BLK: variants seen among roughly 807,000 people sequenced by gnomAD.
BLK encodes the protein tyrosine-protein kinase Blk.
Under a neutral mutation model 61.8 loss-of-function variants are expected in BLK, and 64 were observed. The observed-to-expected ratio is 1.03, with a 90% CI of 0.85 to 1.27. BLK has a LOEUF of 1.27. Among genes scored for constraint, BLK ranks in the 50% most tolerant of loss-of-function variants. The probability of loss-of-function intolerance (pLI) is 0.00; values close to 1 mark genes in which losing one functional copy is unlikely to be tolerated. For missense variants in BLK, 853 were observed against 660.5 expected, an observed-to-expected ratio of 1.29 and a Z score of -3.19; for synonymous variants, 351 against 272.0, an observed-to-expected ratio of 1.29 and a Z score of -2.86.
intron 5 of BLK, chr8:11,549,864 G>C: frequency 2.3e-6 from 1 of 427,148 alleles, no homozygotes. Flanking sequence ...GCTTTGGAGA[G>C]AGTGATCAGG....
chr8:11,504,396 GAAAAGAAAAGAAAAGA>G (rs754475511), intron 1 of BLK, among the ~76,000 whole-genome samples: 7 of 120,784 alleles, frequency 5.8e-5, no homozygotes, highest in Non-Finnish European at 7.6e-5. Flanking sequence ...GAAAAGAAAA[GAAAAGAAAAGAAAAGA>G]AAAAAAAAAG....
At position 11,555,327 on chromosome 8, in the gene BLK, T is replaced by C. The variant is rs768081709; in HGVS notation, c.620-5T>C. The C allele has an allele frequency of 6.2e-7, 1 of 1,614,038 alleles. No individual in the cohort carries two copies. The highest frequency in any genetic ancestry group is 1.1e-5 in the South Asian group (1 of 91,076). ...CCCAGCCCTGTCTTTTCTTCCCTAATGCAGAGAAGGGGGATGGTCTATGCC... is the reference window on the plus strand; with the variant it reads ...CCCAGCCCTGTCTTTTCTTCCCTAACGCAGAGAAGGGGGATGGTCTATGCC... On this transcript the variant is annotated splice_region_variant and splice_polypyrimidine_tract_variant and intron_variant, in intron 7 of 12. Transcript: ENST00000259089.
chr8:11,560,813 T>G (rs73545875), intron 10 of BLK: 8,812 of 457,172 alleles, frequency 0.019, 211 homozygotes, highest in African/African-American at 0.075. Flanking sequence ...TCATGTTCCA[T>G]GTCAGGACTG....
intron 1 of BLK, among the ~76,000 whole-genome samples, chr8:11,512,874 C>T (rs1799071722): frequency 6.6e-6 from 1 of 152,176 alleles, no homozygotes; most frequent in African/African-American, 2.4e-5. Flanking sequence ...ACTGTGTTGG[C>T]CAGGCTGGAC....
intron 1 of BLK, among the ~76,000 whole-genome samples, chr8:11,534,114 T>G (rs1007330303): frequency 2.6e-5 from 4 of 152,172 alleles, no homozygotes; most frequent in Non-Finnish European, 4.4e-5. Flanking sequence ...GGGTTGGGAG[T>G]CTGCAAACTC....
chr8:11,504,963 C>T lies in BLK; in HGVS notation c.-2+10372C>T, dbSNP rs1214150861. Among the ~76,000 whole-genome samples the T allele has an allele frequency of 3.3e-5, 5 of 152,250 alleles. No individual in the cohort carries two copies. In the East Asian group the frequency reaches 5.8e-4, roughly 18 times the overall value. On this transcript the variant is annotated intron_variant, in intron 1 of 12. Transcript: ENST00000259089. ...AAACACACATGCACAGAGACACGTA[C>T]AGACACATACATGCACACAGACACA...
chr8:11,504,153 C>T (rs2117255508), intron 1 of BLK, among the ~76,000 whole-genome samples: 1 of 152,220 alleles, frequency 6.6e-6, no homozygotes, highest in Admixed American at 6.5e-5. Flanking sequence ...GCGAAACTGT[C>T]TCTACTCAAA....
At chr8:11,520,794 T>G (rs931388831) in intron 1 of BLK, among the ~76,000 whole-genome samples, 1 of 152,174 alleles carries the variant, frequency 6.6e-6, no homozygotes, top group African/African-American at 2.4e-5. Context: ...CAGGGAAATC[T>G]AAGACAAGTA....
At position 11,554,828 on chromosome 8, in the gene BLK, C is replaced by T; in HGVS notation, c.558C>T (p.Gly186=). ...HYKIRCLDEG[G]YYISPRITFP... ...AGATCCGCTGCCTGGATGAAGGGGG[C>T]TACTACATCTCCCCCCGGATCACCT... The change falls in exon 7 of 13, where the codon GGC becomes GGT. Residue 186 remains glycine (G), a synonymous_variant. Coordinates refer to ENST00000259089, the MANE Select transcript of BLK (RefSeq NM_001715.3). 1 of 1,614,028 alleles carries T rather than the reference C, an allele frequency of 6.2e-7. No individual in the cohort carries two copies.
intron 1 of BLK, among the ~76,000 whole-genome samples, chr8:11,516,562 A>T (rs1799236797): frequency 6.6e-6 from 1 of 152,200 alleles, no homozygotes; most frequent in Non-Finnish European, 1.5e-5. Flanking sequence ...GATATCTGTT[A>T]TAGCAGCCCT....
chr8:11,534,857 T>C (rs1800046930), intron 1 of BLK, among the ~76,000 whole-genome samples: 1 of 152,162 alleles, frequency 6.6e-6, no homozygotes, highest in Non-Finnish European at 1.5e-5. Context: ...TGGGAAAAGA[T>C]TCTGCTGGCA....
At chr8:11,539,383 G>A (rs1171105889) in intron 1 of BLK, among the ~76,000 whole-genome samples, 2 of 152,122 alleles carry the variant, frequency 1.3e-5, no homozygotes. Context: ...TTTATAGAGT[G>A]TAGATTTATT....
intron 1 of BLK, among the ~76,000 whole-genome samples, chr8:11,520,797 G>C (rs1459411797): frequency 2.0e-5 from 3 of 152,074 alleles, no homozygotes; most frequent in Admixed American, 2.0e-4. Flanking sequence ...GGAAATCTAA[G>C]ACAAGTAATT....
intron 1 of BLK, among the ~76,000 whole-genome samples, chr8:11,496,309 C>T (rs578038856): frequency 8.5e-5 from 13 of 152,246 alleles, no homozygotes; most frequent in Admixed American, 2.0e-4. Flanking sequence ...AAGAGATCAT[C>T]GCTCACTGCA....
chr8:11,551,655 G>A (rs1800912238), intron 6 of BLK, among the ~76,000 whole-genome samples: 1 of 152,216 alleles, frequency 6.6e-6, no homozygotes, highest in Non-Finnish European at 1.5e-5. Context: ...CCAGAGTCAA[G>A]TTAGCCATTC....
At chr8:11,527,323 T>C (rs1799697695) in intron 1 of BLK, among the ~76,000 whole-genome samples, 1 of 152,200 alleles carries the variant, frequency 6.6e-6, no homozygotes, top group Non-Finnish European at 1.5e-5. Flanking sequence ...ATATATACTC[T>C]TGTATAAAGT....
chr8:11,500,035 G>T (rs1585315293), intron 1 of BLK, among the ~76,000 whole-genome samples: 2 of 152,198 alleles, frequency 1.3e-5, no homozygotes, highest in Admixed American at 1.3e-4. Flanking sequence ...ATACAGTGAG[G>T]GTGCTCACTA....
intron 1 of BLK, among the ~76,000 whole-genome samples, chr8:11,499,549 G>C (rs1029897424): frequency 6.6e-6 from 1 of 152,140 alleles, no homozygotes; most frequent in Non-Finnish European, 1.5e-5. Flanking sequence ...TGTGCTGAAG[G>C]CTGCATAAGA....
chr8:11,539,697 C>G (rs1262701525), intron 1 of BLK, among the ~76,000 whole-genome samples: 1 of 152,076 alleles, frequency 6.6e-6, no homozygotes, highest in Non-Finnish European at 1.5e-5. Context: ...ACACTCTGTG[C>G]CAGACATTGG....
Sources: gnomAD v4.1 joint callset for allele counts (sites outside exome capture counted in the v4.1 genomes callset) on GRCh38, gnomAD v4.1.1 for gene constraint, MANE v1.5 for transcripts, NCBI Gene and HGNC (gene_info 2026-07-23, HGNC 2026-07-21) for gene names.